TAFA4: variants seen among roughly 807,000 people sequenced by gnomAD.
The protein encoded by TAFA4 is TAFA chemokine like family member 4.
Under a neutral mutation model 21.1 loss-of-function variants are expected in TAFA4, and 20 were observed. The ratio of observed to expected loss-of-function variants is 0.95; its 90% confidence interval spans 0.67 to 1.38. The LOEUF is 1.38. Ranked by LOEUF, TAFA4 falls within the 40% of genes most tolerant of loss-of-function variation. The probability of loss-of-function intolerance (pLI) is 0.00; values close to 1 mark genes in which losing one functional copy is unlikely to be tolerated. For synonymous variants in TAFA4, 71 were observed against 67.4 expected (o/e 1.05, Z -0.26); for missense variants, 211 against 180.9 (o/e 1.17, Z -0.95).
chr3:68,766,074 G>A (rs1702848989), intron 3 of TAFA4, among the ~76,000 whole-genome samples: 2 of 152,094 alleles, frequency 1.3e-5, no homozygotes, highest in East Asian at 1.9e-4. Context: ...CTAGAGAATG[G>A]AGAAACAATG....
At chr3:68,838,711 A>G (rs1371347220) in intron 3 of TAFA4, among the ~76,000 whole-genome samples, 1 of 152,106 alleles carries the variant, frequency 6.6e-6, no homozygotes, top group African/African-American at 2.4e-5. Flanking sequence ...AGTTATGAAA[A>G]AGACATACCA....
At chr3:68,763,218 G>A (rs757202347) in intron 3 of TAFA4, among the ~76,000 whole-genome samples, 1 of 152,182 alleles carries the variant, frequency 6.6e-6, no homozygotes, top group Non-Finnish European at 1.5e-5. Context: ...GAAAATTGGT[G>A]AAGCTCTTGA....
At chr3:68,806,633 G>A (rs919908319) in intron 3 of TAFA4, among the ~76,000 whole-genome samples, 11 of 152,088 alleles carry the variant, frequency 7.2e-5, no homozygotes, top group African/African-American at 2.7e-4. Flanking sequence ...TGAAACCCTA[G>A]CCCCTGCAAT....
chr3:68,900,269 AATAATAATAAT>A (rs1452306530), intron 1 of TAFA4, among the ~76,000 whole-genome samples: 1 of 79,606 alleles, frequency 1.3e-5, no homozygotes, highest in African/African-American at 5.1e-5. Flanking sequence ...TAATAATAAT[AATAATAATAAT>A]AACAATAATA....
At chr3:68,826,940 G>A (rs552298067) in intron 3 of TAFA4, among the ~76,000 whole-genome samples, 4 of 152,048 alleles carry the variant, frequency 2.6e-5, no homozygotes, top group Admixed American at 6.6e-5. Flanking sequence ...CAACATGCAG[G>A]TTTTTTACAT....
chr3:68,911,405 CTT>C lies in TAFA4; in HGVS notation c.-123+20833_-123+20834del, dbSNP rs552886077. On this transcript the variant is annotated intron_variant, in intron 1 of 5. Coordinates refer to ENST00000295569, the MANE Select transcript of TAFA4 (RefSeq NM_182522.5). The stretch of plus-strand genomic sequence containing the variant: ...TTGATGGAAAAGACACTAACAAAGA[CTT>C]ATGTGTCAAGCACTGTGCTCAACAA... Among the ~76,000 whole-genome samples the C allele has an allele frequency of 1.8e-3, 274 of 152,316 alleles. 1 individual carries two copies. The highest frequency in any genetic ancestry group is 6.4e-3 in the African/African-American group (264 of 41,570).
chr3:68,768,100 CA>C (rs1255493468), intron 3 of TAFA4, among the ~76,000 whole-genome samples: 2 of 151,798 alleles, frequency 1.3e-5, no homozygotes, highest in Admixed American at 6.6e-5. Context: ...GCAAGAAAAG[CA>C]AAAATAGATA....
chr3:68,827,497 C>T (rs1367460336), intron 3 of TAFA4, among the ~76,000 whole-genome samples: 5 of 152,308 alleles, frequency 3.3e-5, no homozygotes, highest in South Asian at 2.1e-4. Context: ...TTTACACTCC[C>T]GCCAACAGTG....
intron 3 of TAFA4, among the ~76,000 whole-genome samples, chr3:68,822,588 C>T (rs1388374250): frequency 6.6e-6 from 1 of 152,282 alleles, no homozygotes; most frequent in Admixed American, 6.5e-5. Context: ...CCTTCCACCT[C>T]GGCCTCCCGA....
chr3:68,910,433 A>T (rs2089950873), intron 1 of TAFA4, among the ~76,000 whole-genome samples: 1 of 152,224 alleles, frequency 6.6e-6, no homozygotes, highest in Non-Finnish European at 1.5e-5. Flanking sequence ...ATGTAACCAG[A>T]GTCAGGTCTG....
chr3:68,905,376 G>A (rs1410343519), intron 1 of TAFA4, among the ~76,000 whole-genome samples: 1 of 151,936 alleles, frequency 6.6e-6, no homozygotes, highest in Non-Finnish European at 1.5e-5. Flanking sequence ...CACCACGTTG[G>A]CCAGGATGGT....
chr3:68,766,168 G>T (rs976107666), intron 3 of TAFA4, among the ~76,000 whole-genome samples: 4 of 151,958 alleles, frequency 2.6e-5, no homozygotes, highest in African/African-American at 9.7e-5. Flanking sequence ...AAGAGATAAT[G>T]ATTAGCACTT....
intron 3 of TAFA4, among the ~76,000 whole-genome samples, chr3:68,781,117 CA>C (rs1417711796): frequency 4.0e-5 from 6 of 151,808 alleles, no homozygotes; most frequent in Non-Finnish European, 8.8e-5. Context: ...TAGAACATAT[CA>C]AAATGTGTGA....
At chr3:68,913,309 T>C (rs1278373821) in intron 1 of TAFA4, among the ~76,000 whole-genome samples, 1 of 152,110 alleles carries the variant, frequency 6.6e-6, no homozygotes, top group Non-Finnish European at 1.5e-5. Context: ...GTTGCACAGA[T>C]AGGACTCAAG....
At chr3:68,756,199 C>G (rs1575596848) in intron 3 of TAFA4, among the ~76,000 whole-genome samples, 1 of 152,184 alleles carries the variant, frequency 6.6e-6, no homozygotes, top group African/African-American at 2.4e-5. Context: ...CAGTGGATAA[C>G]TAATACACCA....
chr3:68,911,617 A>G (rs530416405), intron 1 of TAFA4, among the ~76,000 whole-genome samples: 1 of 152,360 alleles, frequency 6.6e-6, no homozygotes, highest in South Asian at 2.1e-4. Context: ...CAGCCACTGC[A>G]TGGCTTATAC....
rs187137205 is a variant in TAFA4, at chr3:68,767,164, G to A, written c.131-14146C>T. On this transcript the variant is annotated intron_variant, in intron 3 of 5. Coordinates refer to ENST00000295569, the MANE Select transcript of TAFA4 (RefSeq NM_182522.5). ...AGATTTTAGTGCACCTGTCACCCAA[G>A]TACTGTACTCAAAACTTTTATTTTC... Among the ~76,000 whole-genome samples the A allele has an allele frequency of 2.5e-3, 376 of 152,204 alleles. 1 individual carries two copies. The Middle Eastern group carries it at 0.027, about 11-fold the overall frequency.
intron 3 of TAFA4, among the ~76,000 whole-genome samples, chr3:68,798,759 A>C (rs1185821792): frequency 6.6e-6 from 1 of 152,202 alleles, no homozygotes; most frequent in East Asian, 1.9e-4. Flanking sequence ...AAAACTTGTA[A>C]AACTGTTTTT....
intron 5 of TAFA4, among the ~76,000 whole-genome samples, chr3:68,737,740 G>A (rs942005897): frequency 2.6e-5 from 4 of 152,136 alleles, no homozygotes; most frequent in African/African-American, 2.4e-5. Context: ...CTCCATGGCT[G>A]AAGATGAATT....
Sources: allele counts gnomAD v4.1 joint callset (sites outside exome capture counted in the v4.1 genomes callset), GRCh38; gene constraint gnomAD v4.1.1; transcripts MANE v1.5; gene names NCBI Gene and HGNC (gene_info 2026-07-23, HGNC 2026-07-21).